Variants in BPNT1 observed in about 807,000 individuals in gnomAD.
BPNT1 encodes the protein 3'(2'), 5'-bisphosphate nucleotidase 1.
In BPNT1, 28 loss-of-function variants were observed where a neutral mutation model predicts 36.9. The ratio of observed to expected loss-of-function variants is 0.76; its 90% confidence interval spans 0.56 to 1.04. BPNT1 has a LOEUF of 1.04. Ranked by LOEUF, BPNT1 falls within the 50% of genes least tolerant of loss-of-function variation. BPNT1 has a pLI of 0.00. For synonymous variants in BPNT1, 119 were observed against 130.9 expected (o/e 0.91, Z 0.62); for missense variants, 313 against 372.9 (o/e 0.84, Z 1.32).
At chr1:220,078,088 T>C (rs1664719461) in intron 2 of BPNT1, among the ~76,000 whole-genome samples, 1 of 150,338 alleles carries the variant, frequency 6.7e-6, no homozygotes, top group East Asian at 2.0e-4. Flanking sequence ...GCCAAGAGGG[T>C]CCTTTGAGCC....
chr1:220,081,756 C>A (rs1298916487), intron 1 of BPNT1, among the ~76,000 whole-genome samples: 1 of 151,842 alleles, frequency 6.6e-6, no homozygotes, highest in Non-Finnish European at 1.5e-5. Flanking sequence ...ATTTAAAGGC[C>A]ATTTCCTACC....
intron 1 of BPNT1, among the ~76,000 whole-genome samples, chr1:220,081,830 A>G (rs1276019440): frequency 6.6e-6 from 1 of 151,984 alleles, no homozygotes; most frequent in Non-Finnish European, 1.5e-5. Context: ...TATGGGGTCA[A>G]CTGAGGCCTT....
At position 220,074,006 on chromosome 1, in the gene BPNT1, C is replaced by T. The variant is rs772099307; in HGVS notation, c.186G>A (p.Leu62=). ...TTGTGAGTTTGGGGAATTTCCGGGCCAATGAAGAACATATGCTCATCTGTG... is the reference window on the plus strand; with the variant it reads ...TTGTGAGTTTGGGGAATTTCCGGGCTAATGAAGAACATATGCTCATCTGTG... ...RLAQMSICSS[L]ARKFPKLTII... is the part of the protein sequence containing the mutation. Residue 62 remains leucine (L), a synonymous_variant, in exon 3 of 9, where the codon TTG becomes TTA. Transcript: ENST00000322067. 2 of 1,614,098 alleles carry T rather than the reference C, an allele frequency of 1.2e-6. No homozygotes were observed. The highest frequency in any genetic ancestry group is 1.7e-6 in the Non-Finnish European group (2 of 1,180,022).
intron 1 of BPNT1, among the ~76,000 whole-genome samples, chr1:220,082,697 G>A (rs1177808622): frequency 6.6e-6 from 1 of 150,824 alleles, no homozygotes; most frequent in Non-Finnish European, 1.5e-5. Context: ...AGTGATTCTT[G>A]TGCTTCAGCC....
chr1:220,076,328 A>C (rs1211615498), intron 2 of BPNT1, among the ~76,000 whole-genome samples: 1 of 151,718 alleles, frequency 6.6e-6, no homozygotes, highest in East Asian at 1.9e-4. Context: ...GTGGAACCCT[A>C]TCTCTACTAA....
At chr1:220,080,999 C>A (rs1383316075) in intron 1 of BPNT1, among the ~76,000 whole-genome samples, 1 of 152,208 alleles carries the variant, frequency 6.6e-6, no homozygotes, top group African/African-American at 2.4e-5. Context: ...GAGTCTCGCT[C>A]TGTCGCCCAG....
At chr1:220,065,731 G>C (rs1663475470) in intron 6 of BPNT1, among the ~76,000 whole-genome samples, 1 of 152,148 alleles carries the variant, frequency 6.6e-6, no homozygotes, top group Admixed American at 6.5e-5. Flanking sequence ...TGAAACCCTT[G>C]AACCTGGCAG....
intron 5 of BPNT1, among the ~76,000 whole-genome samples, chr1:220,067,995 C>T (rs1202036931): frequency 6.6e-6 from 1 of 152,106 alleles, no homozygotes; most frequent in Non-Finnish European, 1.5e-5. Flanking sequence ...ATGTTTTCAG[C>T]ACACACACAT....
intron 1 of BPNT1, among the ~76,000 whole-genome samples, chr1:220,082,783 C>T (rs1012025664): frequency 2.0e-5 from 3 of 151,990 alleles, no homozygotes; most frequent in African/African-American, 4.8e-5. Flanking sequence ...GACGGGGATT[C>T]ACCATGTTGG....
intron 2 of BPNT1, 71 bp downstream of exon 2, chr1:220,079,656 T>G: frequency 6.3e-7 from 1 of 1,586,166 alleles, no homozygotes. Context: ...CTGTCCACAT[T>G]TTTATATCAT....
chr1:220,079,234 G>A (rs866486654), intron 2 of BPNT1, among the ~76,000 whole-genome samples: 3 of 151,922 alleles, frequency 2.0e-5, no homozygotes, highest in Non-Finnish European at 2.9e-5. Context: ...GATCTTGGAC[G>A]TAGAAAGTCT....
At chr1:220,074,722 C>T (rs1664387705) in intron 2 of BPNT1, among the ~76,000 whole-genome samples, 1 of 151,714 alleles carries the variant, frequency 6.6e-6, no homozygotes, top group Non-Finnish European at 1.5e-5. Flanking sequence ...TCTTGATCTC[C>T]TGATCTTGTG....
At chr1:220,059,610 T>A in intron 8 of BPNT1, 76 bp downstream of exon 8, 1 of 1,120,260 alleles carries the variant, frequency 8.9e-7, no homozygotes, top group Non-Finnish European at 1.3e-6. Context: ...AGTAAAATAA[T>A]ATTACTGAGA....
chr1:220,063,374 C>T lies in BPNT1; in HGVS notation c.475-420G>A, dbSNP rs1179502926. Among the ~76,000 whole-genome samples the T allele has an allele frequency of 2.0e-5, 3 of 152,082 alleles. No homozygotes were observed. In the East Asian group the frequency reaches 5.8e-4, roughly 29 times the overall value. ...AAAAACATGATAATGTTATAAAGTA[C>T]AAGAACAATATCACTGGCAAAGAAC... On this transcript the variant is annotated intron_variant, in intron 6 of 8. Transcript: ENST00000322067.
intron 6 of BPNT1, among the ~76,000 whole-genome samples, chr1:220,065,856 T>C (rs1336302720): frequency 1.3e-5 from 2 of 152,164 alleles, no homozygotes; most frequent in Non-Finnish European, 2.9e-5. Flanking sequence ...CTACTTCCAT[T>C]TGTGGTAATG....
chr1:220,057,824 C>T lies in BPNT1; in HGVS notation c.*1020G>A, dbSNP rs149589073. 16 of 1,280,102 alleles carry T rather than the reference C, an allele frequency of 1.2e-5. No homozygotes were observed. Among genetic ancestry groups the T allele is most frequent in the African/African-American group, 6.1e-5 (4 of 65,418 alleles). The allele number at this position is 1,280,102 out of a possible 1,614,324, so 79.3% of individuals were successfully genotyped here. A position where few individuals can be genotyped will look rare whatever the true frequency, so the allele number is the denominator to read the frequency against. On this transcript the variant is annotated 3_prime_UTR_variant, in exon 9 of 9. Transcript: ENST00000322067. ...TATATATTCTTAATTGGAGTAGAAA[C>T]GTTTTTAAAATTACTGTGAAAAACA... is the stretch of plus-strand genomic sequence containing the variant.
intron 1 of BPNT1, among the ~76,000 whole-genome samples, chr1:220,088,547 T>G (rs1655972600): frequency 1.3e-5 from 2 of 150,840 alleles, no homozygotes; most frequent in South Asian, 4.2e-4. Flanking sequence ...TAGAACTTTT[T>G]GGGAGGCCAA....
At chr1:220,059,243 CTTTTTTTTTTTTT>C (rs11292010) in intron 8 of BPNT1, among the ~76,000 whole-genome samples, 1 of 57,868 alleles carries the variant, frequency 1.7e-5, no homozygotes, top group Non-Finnish European at 3.0e-5. Context: ...ATTTTCTTTT[CTTTTTTTTTTTTT>C]TTTTTTTTTT....
intron 1 of BPNT1, among the ~76,000 whole-genome samples, chr1:220,081,270 C>T (rs553963918): frequency 3.3e-5 from 5 of 152,104 alleles, no homozygotes; most frequent in South Asian, 2.1e-4. Flanking sequence ...AGGCCGGGCA[C>T]GGTGACTAAC....
Sources: gnomAD v4.1 joint callset for allele counts (sites outside exome capture counted in the v4.1 genomes callset) on GRCh38, gnomAD v4.1.1 for gene constraint, MANE v1.5 for transcripts, NCBI Gene and HGNC (gene_info 2026-07-23, HGNC 2026-07-21) for gene names.